Variants in CLDN10 observed in about 807,000 individuals in gnomAD.
CLDN10 encodes claudin-10.
CLDN10 carries 15 observed loss-of-function variants against 22.9 expected under a neutral mutation model. That is an observed-to-expected ratio of 0.65 (90% confidence interval 0.44 to 1.01). The LOEUF is 1.01. Ranked by LOEUF, CLDN10 falls within the 50% of genes least tolerant of loss-of-function variation. The pLI, the probability that CLDN10 is intolerant of heterozygous loss-of-function variation, is 0.00. For synonymous variants in CLDN10, 114 were observed against 111.4 expected, an observed-to-expected ratio of 1.02 and a Z score of -0.15; for missense variants, 247 against 287.8, an observed-to-expected ratio of 0.86 and a Z score of 1.03.
chr13:95,520,773 G>T (rs948643896), intron 1 of CLDN10, among the ~76,000 whole-genome samples: 1 of 152,118 alleles, frequency 6.6e-6, no homozygotes, highest in Non-Finnish European at 1.5e-5. Flanking sequence ...ATGAGGTCAG[G>T]AGACCAAGAC....
intron 3 of CLDN10, among the ~76,000 whole-genome samples, chr13:95,572,921 G>A (rs2043880625): frequency 6.6e-6 from 1 of 152,192 alleles, no homozygotes; most frequent in South Asian, 2.1e-4. Flanking sequence ...AAAGCAGGAG[G>A]TGAAAGTAAG....
chr13:95,525,647 G>A (rs889090137), intron 1 of CLDN10, among the ~76,000 whole-genome samples: 17 of 151,822 alleles, frequency 1.1e-4, no homozygotes, highest in Admixed American at 3.3e-4. Context: ...GTGCACCACC[G>A]CGCCCAGCTG....
chr13:95,555,330 G>C (rs2043622912), intron 1 of CLDN10, among the ~76,000 whole-genome samples: 1 of 152,192 alleles, frequency 6.6e-6, no homozygotes, highest in African/African-American at 2.4e-5. Context: ...TTACAGGTGT[G>C]CGCCACCGCG....
chr13:95,433,793 G>A (rs779035142), exon 1 of CLDN10: 1 of 1,606,826 alleles, frequency 6.2e-7, no homozygotes, highest in South Asian at 1.1e-5. Flanking sequence ...GACCACCAAA[G>A]CGTTCTGACC....
intron 1 of CLDN10, among the ~76,000 whole-genome samples, chr13:95,474,789 A>T (rs1050157394): frequency 6.6e-6 from 1 of 151,924 alleles, no homozygotes; most frequent in Non-Finnish European, 1.5e-5. Context: ...ACCTGGTAAG[A>T]TCTGCCTTTT....
chr13:95,527,500 C>T (rs974381578), intron 1 of CLDN10, among the ~76,000 whole-genome samples: 5 of 151,758 alleles, frequency 3.3e-5, no homozygotes, highest in Admixed American at 2.0e-4. Context: ...GAGACTGAGG[C>T]GGGTGGATCA....
intron 1 of CLDN10, among the ~76,000 whole-genome samples, chr13:95,452,068 C>T (rs2042436884): frequency 6.6e-6 from 1 of 152,222 alleles, no homozygotes; most frequent in Non-Finnish European, 1.5e-5. Context: ...CTTTAATGAT[C>T]TATTCTGGAA....
At chr13:95,483,742 G>T (rs998514564) in intron 1 of CLDN10, among the ~76,000 whole-genome samples, 1 of 152,214 alleles carries the variant, frequency 6.6e-6, no homozygotes, top group Non-Finnish European at 1.5e-5. Context: ...GGCTGAGCTG[G>T]CCAAGCCCTT....
At chr13:95,434,006 C>G in exon 1 of CLDN10, 1 of 1,614,196 alleles carries the variant, frequency 6.2e-7, no homozygotes, top group Non-Finnish European at 8.5e-7. Context: ...GCGTTGGGTT[C>G]TTTCCATTGC....
Position 95,557,828 on chromosome 13 carries a change from G to C in CLDN10, c.221-2304G>C, listed in dbSNP as rs554876314. Among the ~76,000 whole-genome samples the C allele has an allele frequency of 5.3e-5, 8 of 152,280 alleles. No individual in the cohort carries two copies. The South Asian group carries it at 1.0e-3, about 20-fold the overall frequency. The stretch of plus-strand genomic sequence containing the variant: ...CAGTGGTGATTACATAAAGTTCAAA[G>C]ACTACTGTTATTTTCCCTGTTGTAT... On this transcript the variant is annotated intron_variant, in intron 1 of 4. Transcript: ENST00000299339.
intron 1 of CLDN10, among the ~76,000 whole-genome samples, chr13:95,546,228 G>A (rs902027586): frequency 6.6e-6 from 1 of 152,098 alleles, no homozygotes; most frequent in African/African-American, 2.4e-5. Context: ...GATATTGACT[G>A]TACTCTGTAC....
intron 1 of CLDN10, chr13:95,479,748 A>G (rs2042723811): frequency 6.6e-6 from 1 of 152,224 alleles, no homozygotes; most frequent in South Asian, 2.1e-4. Flanking sequence ...GAACTTGATC[A>G]AGGTCACATA....
At chr13:95,564,346 T>C (rs2043755606) in intron 3 of CLDN10, among the ~76,000 whole-genome samples, 1 of 152,190 alleles carries the variant, frequency 6.6e-6, no homozygotes, top group Admixed American at 6.5e-5. Context: ...GCTCTCTTCT[T>C]CCCATTATTA....
At chr13:95,569,579 C>G (rs1020138231) in intron 3 of CLDN10, among the ~76,000 whole-genome samples, 1 of 151,936 alleles carries the variant, frequency 6.6e-6, no homozygotes, top group Non-Finnish European at 1.5e-5. Context: ...GGGAGTGAGA[C>G]TCTGCCTCAA....
chr13:95,497,893 T>A (rs2042945370), intron 1 of CLDN10, among the ~76,000 whole-genome samples: 1 of 152,110 alleles, frequency 6.6e-6, no homozygotes, highest in South Asian at 2.1e-4. Flanking sequence ...TTGGGAAAAG[T>A]AAAATGATGT....
At chr13:95,450,613 A>G (rs2042424003) in intron 1 of CLDN10, among the ~76,000 whole-genome samples, 1 of 152,166 alleles carries the variant, frequency 6.6e-6, no homozygotes, top group Non-Finnish European at 1.5e-5. Context: ...CTGGTCACCC[A>G]GGTTAGACAT....
chr13:95,436,837 C>G (rs911339337), intron 1 of CLDN10, among the ~76,000 whole-genome samples: 2 of 152,132 alleles, frequency 1.3e-5, no homozygotes, highest in South Asian at 2.1e-4. Flanking sequence ...ATCAGGAAAG[C>G]TATCTATGCC....
In CLDN10 at chr13:95,514,790, G is replaced by A. The variant is rs116460426; in HGVS notation, c.215-45342G>A. ...AAGCAGGTAGGGGTGTGTGTGACAT[G>A]ATTTGCTTTATAAGTTAAGAGGCTC... On this transcript the variant is annotated intron_variant, in intron 1 of 4. Coordinates refer to the CLDN10 transcript ENST00000376873. Among the ~76,000 whole-genome samples the A allele has an allele frequency of 6.7e-3, 1,015 of 152,216 alleles. 17 individuals are homozygous for A. The highest frequency in any genetic ancestry group is 0.023 in the African/African-American group (958 of 41,520).
chr13:95,558,878 T>G (rs568088946), intron 1 of CLDN10, among the ~76,000 whole-genome samples: 5 of 152,238 alleles, frequency 3.3e-5, no homozygotes, highest in African/African-American at 1.2e-4. Context: ...TGAGCTATGA[T>G]TATGCCACTT....
Sources: gnomAD v4.1 joint callset for allele counts (sites outside exome capture counted in the v4.1 genomes callset) on GRCh38, gnomAD v4.1.1 for gene constraint, MANE v1.5 for transcripts, NCBI Gene and HGNC (gene_info 2026-07-23, HGNC 2026-07-21) for gene names.